The following CSMD1 variants were observed in gnomAD, a reference collection of about 807,000 sequenced individuals.
CSMD1 encodes the protein CUB and sushi domain-containing protein 1.
In CSMD1, 213 loss-of-function variants were observed where a neutral mutation model predicts 417.5. That is an observed-to-expected ratio of 0.51 (90% CI 0.46 to 0.57). The LOEUF is 0.57. Among genes scored for constraint, CSMD1 ranks in the 20% least tolerant of loss-of-function variants. The pLI is 0.00. For missense variants in CSMD1, 6,923 were observed against 4,529.7 expected, an observed-to-expected ratio of 1.53 and a Z score of -15.17; for synonymous variants, 2,862 against 1,736.8, an observed-to-expected ratio of 1.65 and a Z score of -16.11.
intron 1 of CSMD1, among the ~76,000 whole-genome samples, chr8:4,807,843 G>T (rs1027214779): frequency 6.6e-6 from 1 of 152,108 alleles, no homozygotes; most frequent in Non-Finnish European, 1.5e-5. Context: ...AGCAAGCTAT[G>T]TTATTGTTAA....
At chr8:4,374,532 G>C (rs868814090) in intron 3 of CSMD1, among the ~76,000 whole-genome samples, 1 of 152,070 alleles carries the variant, frequency 6.6e-6, no homozygotes, top group East Asian at 1.9e-4. Flanking sequence ...GAGAGAAGAG[G>C]CTGGTCAGTC....
At chr8:4,357,774 A>T (rs1268669229) in intron 3 of CSMD1, among the ~76,000 whole-genome samples, 4 of 152,170 alleles carry the variant, frequency 2.6e-5, no homozygotes, top group Non-Finnish European at 5.9e-5. Flanking sequence ...AAATGAAAAG[A>T]ATAAGGAGGA....
intron 5 of CSMD1, among the ~76,000 whole-genome samples, chr8:3,880,531 T>A (rs191996146): frequency 2.6e-5 from 4 of 152,218 alleles, no homozygotes; most frequent in Non-Finnish European, 5.9e-5. Context: ...CCACGTAGTT[T>A]ATTTTACTAA....
At chr8:4,023,906 A>C (rs1796925830) in intron 4 of CSMD1, among the ~76,000 whole-genome samples, 1 of 151,420 alleles carries the variant, frequency 6.6e-6, no homozygotes, top group Admixed American at 6.6e-5. Flanking sequence ...CGTGAGCCAC[A>C]GCACCCGACC....
chr8:3,343,555 A>C, intron 22 of CSMD1, 105 bp from the exon 23 acceptor site: 1 of 939,154 alleles, frequency 1.1e-6, no homozygotes, highest in Non-Finnish European at 1.6e-6. Context: ...TTTAAACAAT[A>C]CTTAAAAAGG....
chr8:4,415,204 A>G (rs913155215), intron 3 of CSMD1, among the ~76,000 whole-genome samples: 2 of 152,052 alleles, frequency 1.3e-5, no homozygotes, highest in Non-Finnish European at 2.9e-5. Flanking sequence ...CAGGCTCAGG[A>G]TCATCCGCCT....
intron 10 of CSMD1, among the ~76,000 whole-genome samples, chr8:3,512,941 A>G (rs1797138387): frequency 1.3e-5 from 2 of 152,054 alleles, no homozygotes; most frequent in Admixed American, 1.3e-4. Flanking sequence ...GTATAACCAT[A>G]GAGAGCCACA....
At chr8:4,546,281 G>C (rs1280258316) in intron 2 of CSMD1, among the ~76,000 whole-genome samples, 1 of 152,108 alleles carries the variant, frequency 6.6e-6, no homozygotes, top group Non-Finnish European at 1.5e-5. Flanking sequence ...GTTCTTTTCT[G>C]TCTTTTCCTC....
At chr8:4,272,142 C>A (rs557246713) in intron 3 of CSMD1, among the ~76,000 whole-genome samples, 1 of 152,104 alleles carries the variant, frequency 6.6e-6, no homozygotes, top group Non-Finnish European at 1.5e-5. Context: ...CACATGGAGT[C>A]TTACTAGATT....
intron 59 of CSMD1, 63 bp downstream of exon 59, chr8:2,965,712 A>G: frequency 7.0e-7 from 1 of 1,436,518 alleles, no homozygotes; most frequent in Non-Finnish European, 9.5e-7. Context: ...AAAATTAAAC[A>G]AAGCATAATT....
At chr8:3,978,188 T>A (rs1407531542) in intron 5 of CSMD1, among the ~76,000 whole-genome samples, 9 of 152,190 alleles carry the variant, frequency 5.9e-5, no homozygotes, top group Non-Finnish European at 1.2e-4. Flanking sequence ...GCAGGACTCC[T>A]GTTATTACCA....
chr8:3,884,552 T>C (rs1806425316), intron 5 of CSMD1, among the ~76,000 whole-genome samples: 1 of 152,196 alleles, frequency 6.6e-6, no homozygotes, highest in Non-Finnish European at 1.5e-5. Flanking sequence ...GACTCTGATA[T>C]ACCTGGGTGT....
intron 1 of CSMD1, among the ~76,000 whole-genome samples, chr8:4,736,120 G>A (rs1810218430): frequency 6.6e-6 from 1 of 152,124 alleles, no homozygotes; most frequent in Non-Finnish European, 1.5e-5. Context: ...GAGCTGTGAG[G>A]TGTTTCTTCT....
intron 1 of CSMD1, among the ~76,000 whole-genome samples, chr8:4,982,532 G>T (rs1810952793): frequency 6.6e-6 from 1 of 152,186 alleles, no homozygotes. Context: ...TTCTGATTTT[G>T]AAGCTACAGT....
intron 23 of CSMD1, among the ~76,000 whole-genome samples, chr8:3,322,182 C>G (rs1054418118): frequency 6.6e-6 from 1 of 152,132 alleles, no homozygotes; most frequent in African/African-American, 2.4e-5. Flanking sequence ...CAAATATATT[C>G]AATACATTTC....
Position 4,590,645 on chromosome 8 carries a change from T to C in CSMD1, c.302+46697A>G, listed in dbSNP as rs114333430. Among the ~76,000 whole-genome samples the C allele has an allele frequency of 5.0e-3, 762 of 152,304 alleles. 9 individuals carry two copies. The highest frequency in any genetic ancestry group is 0.017 in the African/African-American group (705 of 41,580). On this transcript the variant is annotated intron_variant, in intron 2 of 69. Coordinates refer to ENST00000635120, the MANE Select transcript of CSMD1 (RefSeq NM_033225.6). ...ATATGTTGTTCAAAGTTGTTGACTT[T>C]TACAACATTATAAAGCTATATTCAC...
At chr8:3,373,230 T>C (rs1474317364) in intron 18 of CSMD1, 1 of 152,182 alleles carries the variant, frequency 6.6e-6, no homozygotes, top group Admixed American at 6.5e-5. Context: ...AGTTACTTGA[T>C]CATTTATTGG....
At position 4,254,031 on chromosome 8, in the gene CSMD1, C is replaced by G. The variant is rs200700373; in HGVS notation, c.415+165922G>C. Among the ~76,000 whole-genome samples, 8 of 151,228 alleles carry G rather than the reference C, an allele frequency of 5.3e-5. No individual in the cohort carries two copies. In the East Asian group the frequency reaches 7.8e-4, roughly 15 times the overall value. The stretch of plus-strand genomic sequence containing the variant: ...TCCAGGGTTCATGCCATTCTCCCGC[C>G]TCAGCCTCCCAAGTAGCTGGGACTA... On this transcript the variant is annotated intron_variant, in intron 3 of 69. Coordinates refer to ENST00000635120, the MANE Select transcript of CSMD1 (RefSeq NM_033225.6).
rs192268341 is a variant in CSMD1 at position 3,352,739 on chromosome 8, C to G, written c.3305-4578G>C. On this transcript the variant is annotated intron_variant, in intron 21 of 69. Transcript: ENST00000635120. ...CCGGTTGTCCCACCTAATTGGGAGG[C>G]TGAGGCCGGAGACTTGCTTGAACCC... 2.1e-3 allele frequency among the ~76,000 whole-genome samples: 321 copies of G among 152,278 alleles called. 4 individuals carry two copies. The highest frequency in any genetic ancestry group is 3.5e-3 in the Admixed American group (53 of 15,292).
Sources: gnomAD v4.1 joint callset for allele counts (sites outside exome capture counted in the v4.1 genomes callset) on GRCh38, gnomAD v4.1.1 for gene constraint, MANE v1.5 for transcripts, NCBI Gene and HGNC (gene_info 2026-07-23, HGNC 2026-07-21) for gene names.